GRIN3B: variants seen among roughly 807,000 people sequenced by gnomAD.
GRIN3B encodes the protein glutamate ionotropic receptor NMDA type subunit 3B.
GRIN3B carries 77 observed loss-of-function variants against 66.0 expected under a neutral mutation model. The observed-to-expected ratio is 1.17, with a 90% CI of 0.97 to 1.41. The LOEUF (loss-of-function observed/expected upper bound fraction) is 1.41, where lower values mean the gene tolerates loss of function less well. Among genes scored for constraint, GRIN3B ranks in the 40% most tolerant of loss-of-function variants. The probability of loss-of-function intolerance (pLI) is 0.00; values close to 1 mark genes in which losing one functional copy is unlikely to be tolerated. For missense variants in GRIN3B, 1,787 were observed against 1,564.5 expected (o/e 1.14, Z -2.40); for synonymous variants, 823 against 749.7 (o/e 1.10, Z -1.60).
intron 1 of GRIN3B, 114 bp downstream of exon 1, chr19:1,000,977 G>T (rs1599454211): frequency 8.7e-7 from 1 of 1,155,344 alleles, no homozygotes; most frequent in East Asian, 3.2e-5. Flanking sequence ...AGGGAAGGGG[G>T]ATCCCGGGAC....
In GRIN3B at chr19:1,003,321, C is replaced by T. The variant is rs773975738; in HGVS notation, c.618C>T (p.Ser206=). ...GRPPQLVLDL[S]RRDTGDAGLR... ...CCCCACAGCTGGTCCTGGACCTAAGCCGGCGGGACACGGGAGATGCAGGAC... is the reference window on the plus strand; with the variant it reads ...CCCCACAGCTGGTCCTGGACCTAAGTCGGCGGGACACGGGAGATGCAGGAC... Residue 206 remains serine (S), a synonymous_variant, in exon 2 of 9, where the codon AGC becomes AGT. Transcript: ENST00000234389. The T allele has an allele frequency of 1.3e-6, 2 of 1,573,794 alleles. No homozygotes were observed. Among genetic ancestry groups the T allele is most frequent in the Admixed American group, 1.8e-5 (1 of 55,614 alleles).
rs767446155 is a variant in GRIN3B, at chr19:1,004,617, C to G, written c.1116C>G (p.Ser372Arg). The G allele has an allele frequency of 1.2e-6, 2 of 1,604,390 alleles. No homozygotes were observed. The highest frequency in any genetic ancestry group is 8.5e-7 in the Non-Finnish European group (1 of 1,176,066). The change falls in exon 3 of 9, where the codon AGC becomes AGG. Residue 372 changes from serine (S) to arginine (R), a missense_variant. Coordinates refer to ENST00000234389, the MANE Select transcript of GRIN3B (RefSeq NM_138690.3). ...TGTCTCGGCACTTTAAGGTGTGGAG[C>G]CTTCGCCGGGACCCACGGGGCGCCC... ...VHMSRHFKVW[S>R]LRRDPRGAPA...
At position 1,005,194 on chromosome 19, in the gene GRIN3B, C is replaced by A. The variant is rs981352955; in HGVS notation, c.1693C>A (p.Pro565Thr). The A allele has an allele frequency of 6.2e-7, 1 of 1,613,428 alleles. No homozygotes were observed. Among genetic ancestry groups the A allele is most frequent in the Non-Finnish European group, 8.5e-7 (1 of 1,179,958 alleles). The change falls in exon 3 of 9, where the codon CCC (proline) becomes ACC (threonine). Residue 565 changes from proline (P) to threonine (T), a missense_variant. Pro to Thr is a conservative substitution (Grantham distance 38). Coordinates refer to ENST00000234389, the MANE Select transcript of GRIN3B (RefSeq NM_138690.3). This position sits in a 1 kb window ranked among gnomAD's most constrained non-coding sequence, Gnocchi z 5.2. ...IMVRARDTAS[P>T]IGAFMWPLHW... Reference sequence around the variant, plus strand: ...GGTGCGGGCACGGGACACGGCCTCACCCATCGGTGCCTTTATGTGGCCCCT... The same window carrying A: ...GGTGCGGGCACGGGACACGGCCTCAACCATCGGTGCCTTTATGTGGCCCCT...
At position 1,009,347 on chromosome 19, in the gene GRIN3B, C is replaced by A; in HGVS notation, c.2877C>A (p.Gly959=). ...AGGCGGAGGCTGCGCCGCGAGAGGG[C>A]CCCGTCTGGCTGTGCTCCTACGGCC... is the stretch of plus-strand genomic sequence containing the variant. ...DAEAEAAPRE[G]PVWLCSYGRP... Residue 959 remains glycine, a synonymous_variant, in exon 9 of 9, where the codon GGC becomes GGA. Transcript: ENST00000234389. 1 of 1,391,912 alleles carries A rather than the reference C, an allele frequency of 7.2e-7. No homozygotes were observed. Among genetic ancestry groups the A allele is most frequent in the Non-Finnish European group, 9.2e-7 (1 of 1,082,222 alleles). The allele number at this position is 1,391,912 out of a possible 1,614,324, so 86.2% of individuals were successfully genotyped here.
In GRIN3B at chr19:1,008,837, G is replaced by A. The variant is rs747885845; in HGVS notation, c.2632-20G>A. On this transcript the variant is annotated intron_variant, in intron 7 of 8. Transcript: ENST00000234389. ...CACCCCCCCCGCCTCCTCGCCAACC[G>A]GGTCTGTCTGGGGTCTTAGAAAATC... 81 of 1,476,026 alleles carry A rather than the reference G, an allele frequency of 5.5e-5. No homozygotes were observed. The highest frequency in any genetic ancestry group is 7.2e-5 in the Non-Finnish European group (78 of 1,083,120). The allele number at this position is 1,476,026 out of a possible 1,614,324, so 91.4% of individuals were successfully genotyped here. A position where few individuals can be genotyped will look rare whatever the true frequency, so the allele number is the denominator to read the frequency against.
chr19:1,006,712 C>T (rs1254110288), intron 3 of GRIN3B, among the ~76,000 whole-genome samples: 2 of 152,168 alleles, frequency 1.3e-5, no homozygotes, highest in African/African-American at 4.8e-5. Context: ...GCTCCCCAGC[C>T]CCTGGTGTCC....
Position 1,007,920 on chromosome 19 carries a change from A to C in GRIN3B, c.2263A>C (p.Ile755Leu). 6.2e-7 allele frequency: 1 copy of C among 1,611,978 alleles called. No homozygotes were observed. The highest frequency in any genetic ancestry group is 8.5e-7 in the Non-Finnish European group (1 of 1,179,590). ...GTCGCTCCTGGACTACGAGGTCTCC[A>C]TCGACGCCGACTGCAAACTGCTGAC... is the stretch of plus-strand genomic sequence containing the variant. ...DKSLLDYEVSIDADCKLLTVG... is the reference protein window; with the variant it reads ...DKSLLDYEVSLDADCKLLTVG... The change falls in exon 5 of 9, where the codon ATC (isoleucine) becomes CTC (leucine). Residue 755 changes from isoleucine (I) to leucine (L), a missense_variant. Ile to Leu is a conservative substitution (Grantham distance 5). Transcript: ENST00000234389. The surrounding 1 kb of genome is among the most constrained non-coding windows in gnomAD (Gnocchi z 4.4).
At position 1,007,861 on chromosome 19, in the gene GRIN3B, A is replaced by G. The variant is rs1568392663; in HGVS notation, c.2204A>G (p.Asp735Gly). 6.6e-7 allele frequency: 1 copy of G among 1,515,524 alleles called. No individual in the cohort carries two copies. The highest frequency in any genetic ancestry group is 1.1e-5 in the South Asian group (1 of 88,842). 93.9% of individuals were successfully genotyped at this position (1,515,524 alleles called of 1,614,324 possible). A position where few individuals can be genotyped will look rare whatever the true frequency, so the allele number is the denominator to read the frequency against. ...CCCGCCCCCGGCCCCAGCAGGAGCG[A>G]CCCCCCCAAGCTCAACGCCTTCATC... ...TPRGVAMLTSDPPKLNAFIMD... is the reference protein window; with the variant it reads ...TPRGVAMLTSGPPKLNAFIMD... Residue 735 changes from aspartate to glycine, a missense_variant, in exon 5 of 9, where the codon GAC becomes GGC. Asp to Gly is a moderately conservative substitution (Grantham distance 94, BLOSUM62 -1). Coordinates refer to ENST00000234389, the MANE Select transcript of GRIN3B (RefSeq NM_138690.3). This position sits in a 1 kb window ranked among gnomAD's most constrained non-coding sequence, Gnocchi z 4.4.
chr19:1,004,402 G>C, intron 2 of GRIN3B, 119 bp from the exon 3 acceptor site: 1 of 880,686 alleles, frequency 1.1e-6, no homozygotes, highest in South Asian at 1.6e-5. Context: ...GAGCGTCCAC[G>C]TTTGTCCTCA....
chr19:1,009,707 T>A lies in GRIN3B; in HGVS notation c.*105T>A. The A allele has an allele frequency of 7.2e-6, 7 of 970,596 alleles. No individual in the cohort carries two copies. Among genetic ancestry groups the A allele is most frequent in the Non-Finnish European group, 9.7e-6 (7 of 719,558 alleles). 60.1% of individuals were successfully genotyped at this position (970,596 alleles called of 1,614,324 possible). Reference sequence around the variant, plus strand: ...CAAACACAATTTTGTACACTGCAATTAAATAGAATGGAATGAGCGCTCCTC... The same window carrying A: ...CAAACACAATTTTGTACACTGCAATAAAATAGAATGGAATGAGCGCTCCTC... On this transcript the variant is annotated 3_prime_UTR_variant, in exon 9 of 9. Coordinates refer to ENST00000234389, the MANE Select transcript of GRIN3B (RefSeq NM_138690.3).
In GRIN3B at chr19:1,005,450, C is replaced by T. The variant is rs1332287002; in HGVS notation, c.1949C>T (p.Ala650Val). The T allele has an allele frequency of 6.2e-7, 1 of 1,613,410 alleles. No individual in the cohort carries two copies. Among genetic ancestry groups the T allele is most frequent in the East Asian group, 2.2e-5 (1 of 44,884 alleles). Residue 650 changes from alanine to valine, a missense_variant, in exon 3 of 9, where the codon GCC becomes GTC. Transcript: ENST00000234389. The surrounding 1 kb of genome is among the most constrained non-coding windows in gnomAD (Gnocchi z 5.2). ...PTGRLLMNLWAIFCLLVLSSY... is the reference protein window; with the variant it reads ...PTGRLLMNLWVIFCLLVLSSY... Reference sequence around the variant, plus strand: ...GGCCGCCTGCTCATGAACCTCTGGGCCATCTTCTGCCTGCTGGTGCTGTCC... The same window carrying T: ...GGCCGCCTGCTCATGAACCTCTGGGTCATCTTCTGCCTGCTGGTGCTGTCC...
In GRIN3B at chr19:1,009,317, C is replaced by A. The variant is rs1294811085; in HGVS notation, c.2847C>A (p.Asp949Glu). 2.8e-6 allele frequency: 4 copies of A among 1,404,684 alleles called. No homozygotes were observed. Among genetic ancestry groups the A allele is most frequent in the African/African-American group, 1.5e-5 (1 of 65,612 alleles). 87.0% of individuals were successfully genotyped at this position (1,404,684 alleles called of 1,614,324 possible). The part of the protein sequence containing the change: ...EPAVVVAPEA[D>E]AEAEAAPREG... ...CCGTGGTTGTGGCACCCGAAGCGGA[C>A]GCGGAGGCGGAGGCTGCGCCGCGAG... Residue 949 changes from aspartate to glutamate, a missense_variant, in exon 9 of 9, where the codon GAC becomes GAA. By Grantham distance (45) the Asp-to-Glu change is conservative (BLOSUM62 2). Coordinates refer to ENST00000234389, the MANE Select transcript of GRIN3B (RefSeq NM_138690.3).
chr19:1,009,221 T>C lies in GRIN3B; in HGVS notation c.2751T>C (p.Ala917=), dbSNP rs1316006354. 2.0e-6 allele frequency: 3 copies of C among 1,465,706 alleles called. No homozygotes were observed. The highest frequency in any genetic ancestry group is 2.7e-5 in the South Asian group (2 of 74,400). 90.8% of individuals were successfully genotyped at this position (1,465,706 alleles called of 1,614,324 possible). Residue 917 remains alanine, a synonymous_variant, in exon 9 of 9, where the codon GCT becomes GCC. Coordinates refer to ENST00000234389, the MANE Select transcript of GRIN3B (RefSeq NM_138690.3). ...QQQQQQDQPT[A]PEGWKRARRA... ...AGCAGCAGCAGGACCAGCCAACGGC[T>C]CCGGAGGGCTGGAAACGGGCGCGCC... is the stretch of plus-strand genomic sequence containing the variant.
intron 1 of GRIN3B, 37 bp downstream of exon 1, chr19:1,000,900 C>CGGGGCG (rs960497376): frequency 1.6e-5 from 22 of 1,349,534 alleles, no homozygotes; most frequent in Non-Finnish European, 1.9e-5. Context: ...GAGGGGGACC[C>CGGGGCG]GGGGCGGGAG....
rs780479147 is a variant in GRIN3B at position 1,008,649 on chromosome 19, G to A, written c.2498G>A (p.Gly833Asp). Residue 833 changes from glycine (G) to aspartate (D), a missense_variant, in exon 7 of 9, where the codon GGC becomes GAC. Physicochemically the swap from Gly to Asp is moderately conservative, Grantham distance 94. Transcript: ENST00000234389. ...CAGATGAGCATCTACCACTTCGCGGGCCTCTTCGTGTTGCTGTGCCTGGGC... is the reference window on the plus strand; with the variant it reads ...CAGATGAGCATCTACCACTTCGCGGACCTCTTCGTGTTGCTGTGCCTGGGC... ...TLQMSIYHFA[G>D]LFVLLCLGLG... The A allele has an allele frequency of 6.2e-7, 1 of 1,602,526 alleles. No individual in the cohort carries two copies. The highest frequency in any genetic ancestry group is 8.5e-7 in the Non-Finnish European group (1 of 1,179,558).
chr19:1,000,540 G>C lies in GRIN3B; in HGVS notation c.103G>C (p.Gly35Arg), dbSNP rs1217769910. 4 of 1,153,198 alleles carry C rather than the reference G, an allele frequency of 3.5e-6. No homozygotes were observed. Among genetic ancestry groups the C allele is most frequent in the Non-Finnish European group, 4.3e-6 (4 of 937,988 alleles). The allele number at this position is 1,153,198 out of a possible 1,614,324, so 71.4% of individuals were successfully genotyped here. A position where few individuals can be genotyped will look rare whatever the true frequency, so the allele number is the denominator to read the frequency against. ...QPCGVLARLG[G>R]SVRLGALLPR... is the part of the protein sequence containing the mutation. ...GTGCGGCGTCCTGGCGCGCCTCGGG[G>C]GCTCCGTGCGCCTGGGCGCCCTCCT... Residue 35 changes from glycine (G) to arginine (R), a missense_variant, in exon 1 of 9, where the codon GGC becomes CGC. By Grantham distance (125) the Gly-to-Arg change is moderately radical. Transcript: ENST00000234389.
chr19:1,001,323 G>A (rs965285234), intron 1 of GRIN3B, among the ~76,000 whole-genome samples: 12 of 151,864 alleles, frequency 7.9e-5, no homozygotes, highest in African/African-American at 2.9e-4. Flanking sequence ...GCAGTTTCGG[G>A]GTCTGCAGGT....
rs1199914932 is a variant in GRIN3B at position 1,005,711 on chromosome 19, G to C, written c.2052+158G>C. ...TATTCAATTAATTTATTTATTTAAA[G>C]AAAAATAGCCGGGCGCGGTGGCTCA... On this transcript the variant is annotated intron_variant, in intron 3 of 8. Coordinates refer to ENST00000234389, the MANE Select transcript of GRIN3B (RefSeq NM_138690.3). The surrounding 1 kb of genome is among the most constrained non-coding windows in gnomAD (Gnocchi z 5.2). Among the ~76,000 whole-genome samples the C allele has an allele frequency of 2.0e-5, 3 of 152,118 alleles. No homozygotes were observed. The highest frequency in any genetic ancestry group is 4.4e-5 in the Non-Finnish European group (3 of 68,014).
At chr19:1,000,904 G>A (rs1314278000) in intron 1 of GRIN3B, 41 bp downstream of exon 1, 4 of 1,347,058 alleles carry the variant, frequency 3.0e-6, no homozygotes, top group Middle Eastern at 2.8e-4. Context: ...GGGACCCGGG[G>A]CGGGAGCGGG....
Sources: allele counts gnomAD v4.1 joint callset (sites outside exome capture counted in the v4.1 genomes callset), GRCh38; gene constraint gnomAD v4.1.1; non-coding constraint Gnocchi (gnomAD v3.1); transcripts MANE v1.5; gene names NCBI Gene and HGNC (gene_info 2026-07-23, HGNC 2026-07-21).